Variants in COL25A1 observed in about 807,000 individuals in gnomAD.
The protein encoded by COL25A1 is collagen type XXV alpha 1 chain.
COL25A1 carries 103 observed loss-of-function variants against 128.4 expected under a neutral mutation model. The observed-to-expected ratio is 0.80, with a 90% CI of 0.68 to 0.94. COL25A1 has a LOEUF of 0.94. Among genes scored for constraint, COL25A1 ranks in the 40% least tolerant of loss-of-function variants. The pLI is 0.00. For synonymous variants in COL25A1, 279 were observed against 277.2 expected (o/e 1.01, Z -0.06); for missense variants, 745 against 840.0 (o/e 0.89, Z 1.40).
At position 108,957,503 on chromosome 4, in the gene COL25A1, C is replaced by T. The variant is rs181449913; in HGVS notation, c.493-16066G>A. The stretch of plus-strand genomic sequence containing the variant: ...TAGTCATGTGGAAGAATAATTAGTT[C>T]AGAAGACAGGACTGAAACTAAATGT... On this transcript the variant is annotated intron_variant, in intron 8 of 37. Coordinates refer to ENST00000399132, the MANE Select transcript of COL25A1 (RefSeq NM_198721.4). Among the ~76,000 whole-genome samples the T allele has an allele frequency of 8.4e-3, 1,275 of 152,238 alleles. 9 individuals are homozygous for T. The highest frequency in any genetic ancestry group is 0.012 in the Non-Finnish European group (816 of 68,016).
At chr4:109,141,195 T>C (rs773820558) in intron 3 of COL25A1, among the ~76,000 whole-genome samples, 1 of 152,204 alleles carries the variant, frequency 6.6e-6, no homozygotes, top group Non-Finnish European at 1.5e-5. Flanking sequence ...GAAAATTATG[T>C]GGTTTTGGTC....
intron 8 of COL25A1, among the ~76,000 whole-genome samples, chr4:108,972,423 A>G (rs995746480): frequency 6.6e-6 from 1 of 152,160 alleles, no homozygotes; most frequent in African/African-American, 2.4e-5. Flanking sequence ...TCATCTTACT[A>G]TCTTGATATG....
chr4:109,270,811 A>G (rs1782141181), intron 3 of COL25A1, among the ~76,000 whole-genome samples: 1 of 152,212 alleles, frequency 6.6e-6, no homozygotes, highest in Non-Finnish European at 1.5e-5. Context: ...ATGGCATATA[A>G]TTACTTCAAT....
At chr4:109,009,047 G>A (rs996342518) in intron 6 of COL25A1, among the ~76,000 whole-genome samples, 10 of 152,116 alleles carry the variant, frequency 6.6e-5, no homozygotes, top group Non-Finnish European at 1.3e-4. Flanking sequence ...ACTTGAACCC[G>A]GGAGGCGGAA....
chr4:108,905,444 A>G (rs1242761603), intron 13 of COL25A1, among the ~76,000 whole-genome samples: 1 of 151,908 alleles, frequency 6.6e-6, no homozygotes, highest in African/African-American at 2.4e-5. Context: ...GCAGCACACC[A>G]GCACGGCACA....
chr4:108,848,369 A>G (rs1441899312), intron 27 of COL25A1, among the ~76,000 whole-genome samples: 2 of 152,150 alleles, frequency 1.3e-5, no homozygotes, highest in African/African-American at 2.4e-5. Context: ...AAAAGAAAAC[A>G]TTGTCTAAAA....
chr4:108,920,555 C>CA (rs779924876), intron 12 of COL25A1, 23 bp downstream of exon 12: 159 of 1,584,114 alleles, frequency 1.0e-4, no homozygotes, highest in Non-Finnish European at 1.3e-4. Context: ...ATTACTTTCA[C>CA]AATATTGTTG....
At chr4:109,079,289 T>C (rs1763636659) in intron 3 of COL25A1, among the ~76,000 whole-genome samples, 1 of 152,238 alleles carries the variant, frequency 6.6e-6, no homozygotes, top group Non-Finnish European at 1.5e-5. Context: ...AATGCTCTCA[T>C]TGTTCTATTG....
rs1725590140 is a variant in COL25A1 at position 109,301,914 on chromosome 4, C to T, written c.106G>A (p.Val36Ile). 1.9e-6 allele frequency: 3 copies of T among 1,613,990 alleles called. No homozygotes were observed. Among genetic ancestry groups the T allele is most frequent in the African/African-American group, 2.7e-5 (2 of 74,950 alleles). Reference protein sequence around the residue: ...HCARTMPPCAVLAALLSVVAV... With the variant: ...HCARTMPPCAILAALLSVVAV... Reference sequence around the variant, plus strand: ...ACCACTGACAGGAGGGCCGCCAGGACGGCACACGGGGGCATGGTCCGGGCA... The same window carrying T: ...ACCACTGACAGGAGGGCCGCCAGGATGGCACACGGGGGCATGGTCCGGGCA... Residue 36 changes from valine to isoleucine, a missense_variant, in exon 2 of 38, where the codon GTC becomes ATC. Coordinates refer to ENST00000399132, the MANE Select transcript of COL25A1 (RefSeq NM_198721.4).
intron 3 of COL25A1, among the ~76,000 whole-genome samples, chr4:109,150,355 AATGC>A: frequency 6.6e-6 from 1 of 152,112 alleles, no homozygotes. Flanking sequence ...TTAATCAGGT[AATGC>A]CTCCTAAGGG....
chr4:109,111,571 G>C (rs1767026812), intron 3 of COL25A1, among the ~76,000 whole-genome samples: 1 of 152,170 alleles, frequency 6.6e-6, no homozygotes, highest in African/African-American at 2.4e-5. Context: ...ACACAGACCA[G>C]TGCTTCTGGT....
At chr4:108,975,657 T>C (rs1255734064) in intron 6 of COL25A1, among the ~76,000 whole-genome samples, 1 of 152,206 alleles carries the variant, frequency 6.6e-6, no homozygotes, top group Non-Finnish European at 1.5e-5. Flanking sequence ...AGTTGCCCCA[T>C]ATTACCAATA....
chr4:108,899,076 T>A, intron 15 of COL25A1, 78 bp downstream of exon 15: 2 of 1,397,142 alleles, frequency 1.4e-6, no homozygotes, highest in Non-Finnish European at 2.0e-6. Flanking sequence ...TTCATGCATA[T>A]AGTTTAGTTT....
At chr4:108,974,663 A>G in intron 6 of COL25A1, 104 bp from the exon 7 acceptor site, 1 of 927,248 alleles carries the variant, frequency 1.1e-6, no homozygotes, top group Non-Finnish European at 1.6e-6. Flanking sequence ...ATACAGAGAT[A>G]GCTGTCAATG....
chr4:109,006,654 G>C (rs889283038), intron 6 of COL25A1, among the ~76,000 whole-genome samples: 2 of 151,856 alleles, frequency 1.3e-5, no homozygotes, highest in South Asian at 2.1e-4. Context: ...GAAAAAGTAG[G>C]CTCATAGTAA....
intron 27 of COL25A1, among the ~76,000 whole-genome samples, chr4:108,847,934 C>A (rs1735305145): frequency 6.6e-6 from 1 of 152,202 alleles, no homozygotes; most frequent in East Asian, 1.9e-4. Flanking sequence ...TTAGCCATTT[C>A]TTGGGTAAAT....
At chr4:109,105,572 T>C (rs1466050107) in intron 3 of COL25A1, among the ~76,000 whole-genome samples, 1 of 149,774 alleles carries the variant, frequency 6.7e-6, no homozygotes, top group Non-Finnish European at 1.5e-5. Context: ...TGGAAGAAGT[T>C]CATTAAATAA....
chr4:109,177,233 G>A (rs986016567), intron 3 of COL25A1, among the ~76,000 whole-genome samples: 1 of 152,136 alleles, frequency 6.6e-6, no homozygotes, highest in Non-Finnish European at 1.5e-5. Context: ...GCCTAGTTGC[G>A]TCATTGGACA....
rs189122923 is a variant in COL25A1 at position 109,290,086 on chromosome 4, T to C, written c.367+10497A>G. Among the ~76,000 whole-genome samples, 12 of 152,176 alleles carry C rather than the reference T, an allele frequency of 7.9e-5. No individual in the cohort carries two copies. The East Asian group carries it at 2.3e-3, about 29-fold the overall frequency. ...TACTGATTATACAATTCCTCTGAGA[T>C]TTCTTCTTGAGGATTGATGATGGAA... On this transcript the variant is annotated intron_variant, in intron 3 of 37. Transcript: ENST00000399132.
Sources: gnomAD v4.1 joint callset for allele counts (sites outside exome capture counted in the v4.1 genomes callset) on GRCh38, gnomAD v4.1.1 for gene constraint, MANE v1.5 for transcripts, NCBI Gene and HGNC (gene_info 2026-07-23, HGNC 2026-07-21) for gene names.